The following MOK variants were observed in gnomAD, a reference collection of about 807,000 sequenced individuals.
MOK encodes the protein MOK protein kinase.
MOK carries 59 observed loss-of-function variants against 54.2 expected under a neutral mutation model. The ratio of observed to expected loss-of-function variants is 1.09; its 90% CI spans 0.88 to 1.35. The LOEUF (loss-of-function observed/expected upper bound fraction) is 1.35. Ranked by LOEUF, MOK falls within the 40% of genes most tolerant of loss-of-function variation. The pLI, the probability that MOK is intolerant of heterozygous loss-of-function variation, is 0.00. For missense variants in MOK, 517 were observed against 526.2 expected (o/e 0.98, Z 0.17); for synonymous variants, 210 against 202.7 (o/e 1.04, Z -0.31).
At chr14:102,282,020 T>C (rs1198824484) in intron 2 of MOK, among the ~76,000 whole-genome samples, 3 of 152,188 alleles carry the variant, frequency 2.0e-5, no homozygotes, top group Non-Finnish European at 4.4e-5. Context: ...CCCAGTAATC[T>C]AGAAAAAATG....
downstream of MOK, among the ~76,000 whole-genome samples, chr14:102,228,493 T>A (rs1003592534): frequency 4.0e-5 from 6 of 151,848 alleles, no homozygotes; most frequent in African/African-American, 1.5e-4. Flanking sequence ...AGTCGGGAGT[T>A]TTGAGACCAG....
At chr14:102,218,083 T>C in the MOK span, among the ~76,000 whole-genome samples, 1 of 152,192 alleles carries the variant, frequency 6.6e-6, no homozygotes, top group African/African-American at 2.4e-5. Context: ...CCAGATTCTG[T>C]CTTGTGGTAC....
At chr14:102,217,729 G>A in the MOK span, among the ~76,000 whole-genome samples, 1 of 152,358 alleles carries the variant, frequency 6.6e-6, no homozygotes, top group South Asian at 2.1e-4. Flanking sequence ...CCTTTCTGTT[G>A]TGGTCTGTGT....
the MOK span, among the ~76,000 whole-genome samples, chr14:102,218,343 G>C: frequency 6.6e-6 from 1 of 152,196 alleles, no homozygotes; most frequent in Non-Finnish European, 1.5e-5. Context: ...TCACAGGCCA[G>C]GGGTCGTGGG....
chr14:102,219,098 GCT>G, the MOK span, among the ~76,000 whole-genome samples: 1 of 152,234 alleles, frequency 6.6e-6, no homozygotes, highest in Non-Finnish European at 1.5e-5. Context: ...CCCACGCTGT[GCT>G]CTCGAGGGAA....
At chr14:102,244,305 A>G (rs1349778309) in intron 7 of MOK, among the ~76,000 whole-genome samples, 2 of 152,040 alleles carry the variant, frequency 1.3e-5, no homozygotes, top group African/African-American at 4.8e-5. Context: ...CACCACTGAA[A>G]CTTCCACCTA....
Position 102,249,644 on chromosome 14 carries a change from G to A in MOK, c.590+1168C>T, listed in dbSNP as rs1484583844. Reference sequence around the variant, plus strand: ...GAATCGCTAGAACCCGGGAGGCGGAGGCTGCGGTGAGCCAAGATCGCACCA... The same window carrying A: ...GAATCGCTAGAACCCGGGAGGCGGAAGCTGCGGTGAGCCAAGATCGCACCA... On this transcript the variant is annotated intron_variant, in intron 7 of 11. Coordinates refer to ENST00000361847, the MANE Select transcript of MOK (RefSeq NM_014226.3). This position sits in a 1 kb window ranked among gnomAD's most constrained non-coding sequence, Gnocchi z 5.3. Among the ~76,000 whole-genome samples, 1 of 152,208 alleles carries A rather than the reference G, an allele frequency of 6.6e-6. No homozygotes were observed. The highest frequency in any genetic ancestry group is 2.4e-5 in the African/African-American group (1 of 41,458).
At chr14:102,286,726 A>G (rs2070146830) in intron 1 of MOK, among the ~76,000 whole-genome samples, 1 of 152,142 alleles carries the variant, frequency 6.6e-6, no homozygotes, top group African/African-American at 2.4e-5. Context: ...CTGGATTAAT[A>G]TGGTTTACCT....
At chr14:102,258,304 C>T (rs1597398651) in intron 4 of MOK, among the ~76,000 whole-genome samples, 1 of 152,162 alleles carries the variant, frequency 6.6e-6, no homozygotes, top group Non-Finnish European at 1.5e-5. Flanking sequence ...TCCTTCATGT[C>T]CTCCAGCCAC....
downstream of MOK, chr14:102,225,990 C>T (rs1038353070): frequency 1.7e-5 from 6 of 352,824 alleles, no homozygotes; most frequent in East Asian, 6.1e-5. Context: ...AGGAAGAGGT[C>T]GGCCGTGCCA....
intron 1 of MOK, among the ~76,000 whole-genome samples, chr14:102,291,641 C>T (rs916864346): frequency 6.6e-6 from 1 of 152,186 alleles, no homozygotes; most frequent in African/African-American, 2.4e-5. Flanking sequence ...ACACAGCAGG[C>T]CTGGGACTTC....
chr14:102,252,461 A>T (rs927673966), intron 4 of MOK, among the ~76,000 whole-genome samples: 1 of 152,166 alleles, frequency 6.6e-6, no homozygotes, highest in Non-Finnish European at 1.5e-5. Flanking sequence ...GTCCAAAAAA[A>T]AAAAATCTAT....
intron 7 of MOK, among the ~76,000 whole-genome samples, chr14:102,244,628 C>T (rs1240405282): frequency 6.6e-6 from 1 of 152,166 alleles, no homozygotes; most frequent in Admixed American, 6.5e-5. Context: ...CTCACATGCC[C>T]TGAGTCAGGA....
At chr14:102,301,909 A>AT (rs933462854) in intron 1 of MOK, among the ~76,000 whole-genome samples, 15 of 150,210 alleles carry the variant, frequency 1.0e-4, no homozygotes, top group Non-Finnish European at 5.9e-5. Flanking sequence ...TTTTGTTTTG[A>AT]TTTTTTTTTT....
chr14:102,279,462 G>A (rs1267184220), intron 2 of MOK, among the ~76,000 whole-genome samples: 1 of 152,052 alleles, frequency 6.6e-6, no homozygotes, highest in East Asian at 1.9e-4. Flanking sequence ...ACTATGCCCA[G>A]CTAACTTTTT....
chr14:102,289,282 G>C (rs1350528982), intron 1 of MOK, among the ~76,000 whole-genome samples: 1 of 151,952 alleles, frequency 6.6e-6, no homozygotes, highest in East Asian at 1.9e-4. Flanking sequence ...AATAAGCAGA[G>C]AGTATAAGGA....
At chr14:102,287,915 C>A (rs1342269967) in intron 1 of MOK, among the ~76,000 whole-genome samples, 1 of 149,528 alleles carries the variant, frequency 6.7e-6, no homozygotes, top group Non-Finnish European at 1.5e-5. Context: ...TCACTGCAAG[C>A]TCTCCGCTTC....
At chr14:102,293,532 C>T (rs1163515525) in intron 1 of MOK, among the ~76,000 whole-genome samples, 1 of 151,392 alleles carries the variant, frequency 6.6e-6, no homozygotes, top group Non-Finnish European at 1.5e-5. Context: ...AACCCTGTCT[C>T]TACTAAAAAT....
At chr14:102,239,880 A>C (rs2065566578) in intron 7 of MOK, among the ~76,000 whole-genome samples, 1 of 151,966 alleles carries the variant, frequency 6.6e-6, no homozygotes, top group African/African-American at 2.4e-5. Flanking sequence ...ACAAAAAACA[A>C]AAATCAAACA....
Sources: allele counts gnomAD v4.1 joint callset (sites outside exome capture counted in the v4.1 genomes callset), GRCh38; gene constraint gnomAD v4.1.1; non-coding constraint Gnocchi (gnomAD v3.1); transcripts MANE v1.5; gene names NCBI Gene and HGNC (gene_info 2026-07-23, HGNC 2026-07-21).